The following NBAS variants were observed in gnomAD, a reference collection of about 807,000 sequenced individuals.
NBAS encodes NBAS subunit of NRZ tethering complex, also known as NAG/BC035112 fusion.
Under a neutral mutation model 302.5 loss-of-function variants are expected in NBAS, and 219 were observed. The observed-to-expected ratio is 0.72, with a 90% CI of 0.65 to 0.81. The LOEUF (loss-of-function observed/expected upper bound fraction) is 0.81. NBAS is among the 30% of genes least tolerant of loss of function. The probability of loss-of-function intolerance (pLI) is 0.00; values close to 1 mark genes in which losing one functional copy is unlikely to be tolerated. For missense variants in NBAS, 2,932 were observed against 2,841.6 expected (o/e 1.03, Z -0.72); for synonymous variants, 1,118 against 1,021.6 (o/e 1.09, Z -1.80).
intron 21 of NBAS, among the ~76,000 whole-genome samples, chr2:15,430,965 G>A (rs1677736109): frequency 6.6e-6 from 1 of 151,848 alleles, no homozygotes; most frequent in Admixed American, 6.6e-5. Context: ...CGCCACAGTA[G>A]GCCCGGCTAA....
chr2:15,002,826 C>T, the NBAS span, among the ~76,000 whole-genome samples: 4 of 152,194 alleles, frequency 2.6e-5, no homozygotes, highest in Admixed American at 2.6e-4. Context: ...TCAGCTGCTC[C>T]AAGTGCGGGG....
chr2:15,204,557 A>G (rs1666048363), intron 48 of NBAS, among the ~76,000 whole-genome samples: 1 of 152,206 alleles, frequency 6.6e-6, no homozygotes, highest in African/African-American at 2.4e-5. Context: ...AGACACATGC[A>G]CACGTATGTT....
the NBAS span, among the ~76,000 whole-genome samples, chr2:15,134,869 T>C: frequency 2.0e-5 from 3 of 152,202 alleles, no homozygotes; most frequent in East Asian, 1.9e-4. Context: ...TCCTGAATTA[T>C]GTATGATCCC....
chr2:15,377,733 C>T (rs146406298), intron 30 of NBAS, among the ~76,000 whole-genome samples: 1 of 152,338 alleles, frequency 6.6e-6, no homozygotes, highest in African/African-American at 2.4e-5. Context: ...AACCACTCAA[C>T]ACAATGCTGT....
rs1665605764 is a variant in NBAS, at chr2:15,196,076, C to G, written c.6433-5673G>C. ...GCCTTCTTCCAAATGTACTTTCGTT[C>G]CTTTCATTCTTGCTCTAAAACCTGT... On this transcript the variant is annotated intron_variant, in intron 48 of 51. Coordinates refer to ENST00000281513, the MANE Select transcript of NBAS (RefSeq NM_015909.4). Among the ~76,000 whole-genome samples, 6 of 152,202 alleles carry G rather than the reference C, an allele frequency of 3.9e-5. No individual in the cohort carries two copies. The South Asian group carries it at 1.2e-3, about 31-fold the overall frequency.
chr2:15,162,604 T>C (rs1663925429), downstream of NBAS, among the ~76,000 whole-genome samples: 1 of 152,162 alleles, frequency 6.6e-6, no homozygotes, highest in Non-Finnish European at 1.5e-5. Context: ...TTTGCAGTGG[T>C]AGTCGCAAGT....
At chr2:14,899,273 C>T in the NBAS span, among the ~76,000 whole-genome samples, 1 of 152,228 alleles carries the variant, frequency 6.6e-6, no homozygotes, top group African/African-American at 2.4e-5. Flanking sequence ...CCAGAGAGGC[C>T]TCAGAGACCT....
the NBAS span, among the ~76,000 whole-genome samples, chr2:15,145,066 C>G: frequency 2.0e-5 from 3 of 152,026 alleles, no homozygotes; most frequent in African/African-American, 7.3e-5. Flanking sequence ...ACGGCCACAC[C>G]CTCAATCCAA....
At chr2:15,104,965 A>C in the NBAS span, among the ~76,000 whole-genome samples, 1 of 152,000 alleles carries the variant, frequency 6.6e-6, no homozygotes, top group Non-Finnish European at 1.5e-5. Context: ...ACATATATTT[A>C]TTGCAGCACT....
chr2:15,165,240 G>C (rs979735417), downstream of NBAS, among the ~76,000 whole-genome samples: 3 of 152,260 alleles, frequency 2.0e-5, no homozygotes, highest in Admixed American at 2.0e-4. Context: ...CTGCCTAGGA[G>C]TGGCTTGACC....
chr2:15,457,770 T>C (rs1679316760), intron 21 of NBAS, among the ~76,000 whole-genome samples: 1 of 152,152 alleles, frequency 6.6e-6, no homozygotes, highest in African/African-American at 2.4e-5. Context: ...AAAATGAATA[T>C]CAAGTATTCA....
At chr2:15,236,636 T>A (rs1352827922) in intron 45 of NBAS, among the ~76,000 whole-genome samples, 1 of 149,096 alleles carries the variant, frequency 6.7e-6, no homozygotes, top group South Asian at 2.1e-4. Flanking sequence ...AAGTTTAAAA[T>A]AATTTTAGAT....
At chr2:15,113,320 C>CATGTGT in the NBAS span, among the ~76,000 whole-genome samples, 1 of 129,870 alleles carries the variant, frequency 7.7e-6, no homozygotes, top group East Asian at 2.4e-4. Flanking sequence ...GGTATGAACT[C>CATGTGT]GTGTGTGTGT....
the NBAS span, among the ~76,000 whole-genome samples, chr2:14,801,297 C>T: frequency 1.3e-5 from 2 of 152,024 alleles, no homozygotes; most frequent in Non-Finnish European, 2.9e-5. Context: ...TTCCAGAATT[C>T]CACTTACACA....
chr2:15,218,512 C>T (rs1429611320), intron 48 of NBAS, among the ~76,000 whole-genome samples: 1 of 152,192 alleles, frequency 6.6e-6, no homozygotes, highest in East Asian at 1.9e-4. Context: ...CAATCTCCAT[C>T]TCCCAGGTTT....
At chr2:15,429,996 A>G (rs550631976) in intron 21 of NBAS, among the ~76,000 whole-genome samples, 6 of 152,354 alleles carry the variant, frequency 3.9e-5, no homozygotes, top group African/African-American at 1.4e-4. Flanking sequence ...CAATGAATTG[A>G]GGAATGAGGA....
chr2:14,783,791 A>T, the NBAS span, among the ~76,000 whole-genome samples: 1 of 151,934 alleles, frequency 6.6e-6, no homozygotes, highest in African/African-American at 2.4e-5. Flanking sequence ...ATGTGTGCAT[A>T]TGTCTTTATA....
the NBAS span, among the ~76,000 whole-genome samples, chr2:15,158,767 C>G: frequency 6.6e-6 from 1 of 152,156 alleles, no homozygotes; most frequent in Non-Finnish European, 1.5e-5. Flanking sequence ...CTCCAGGTGG[C>G]CATGTGCCCT....
intron 3 of NBAS, among the ~76,000 whole-genome samples, chr2:15,556,155 C>T (rs765102687): frequency 5.9e-5 from 9 of 152,148 alleles, no homozygotes; most frequent in East Asian, 1.9e-4. Flanking sequence ...TCCTAGAGAA[C>T]GCCAAAGGTC....
Sources: allele counts gnomAD v4.1 joint callset (sites outside exome capture counted in the v4.1 genomes callset), GRCh38; gene constraint gnomAD v4.1.1; transcripts MANE v1.5; gene names NCBI Gene and HGNC (gene_info 2026-07-23, HGNC 2026-07-21).